UGT1A6: variants seen among roughly 807,000 people sequenced by gnomAD.
The protein encoded by UGT1A6 is UDP glucuronosyltransferase family 1 member A6.
In UGT1A6, 32 loss-of-function variants were observed where a neutral mutation model predicts 44.4. The ratio of observed to expected loss-of-function variants is 0.72; its 90% confidence interval spans 0.54 to 0.97. The LOEUF (loss-of-function observed/expected upper bound fraction) is 0.97. Ranked by LOEUF, UGT1A6 falls within the 50% of genes least tolerant of loss-of-function variation. UGT1A6 has a pLI of 0.00. For synonymous variants in UGT1A6, 238 were observed against 248.5 expected, an observed-to-expected ratio of 0.96 and a Z score of 0.40; for missense variants, 685 against 661.9, an observed-to-expected ratio of 1.03 and a Z score of -0.38.
chr2:233,712,229 A>G (rs939024540), intron 1 of UGT1A6, among the ~76,000 whole-genome samples: 2 of 152,174 alleles, frequency 1.3e-5, no homozygotes, highest in African/African-American at 4.8e-5. Context: ...TGAACCCACC[A>G]TGGGTCTTTG....
chr2:233,695,753 C>T (rs1452748853), intron 1 of UGT1A6, among the ~76,000 whole-genome samples: 1 of 152,168 alleles, frequency 6.6e-6, no homozygotes, highest in Non-Finnish European at 1.5e-5. Flanking sequence ...GACAGGTCTT[C>T]ATCCTTTTTT....
chr2:233,752,891 G>A (rs76026343), intron 1 of UGT1A6, among the ~76,000 whole-genome samples: 3,078 of 152,286 alleles, frequency 0.02, 63 homozygotes, highest in Non-Finnish European at 0.029. Context: ...ACTAGCCAGC[G>A]TTGTTACAGA....
At chr2:233,747,242 T>C (rs985835805) in intron 1 of UGT1A6, 31 of 1,603,322 alleles carry the variant, frequency 1.9e-5, no homozygotes, top group African/African-American at 5.4e-5. Flanking sequence ...GTTCCCCTGC[T>C]GTGGCTGGCC....
At chr2:233,759,153 G>A (rs1244080154) in intron 1 of UGT1A6, among the ~76,000 whole-genome samples, 1 of 152,246 alleles carries the variant, frequency 6.6e-6, no homozygotes, top group Non-Finnish European at 1.5e-5. Flanking sequence ...GAGTTCCACA[G>A]AACACAAGGC....
In UGT1A6 at chr2:233,700,061, GGT is replaced by G. The variant is rs1575467362; in HGVS notation, c.861+6199_861+6200del. On this transcript the variant is annotated intron_variant, in intron 1 of 4. Transcript: ENST00000305139. ...TAAATCAATTCCAAGTGAATCCAGT[GGT>G]GTCTACCCAGCAAGGCCCCCAGCCT... is the stretch of plus-strand genomic sequence containing the variant. Among the ~76,000 whole-genome samples the G allele has an allele frequency of 2.0e-5, 3 of 152,318 alleles. No homozygotes were observed. The East Asian group carries it at 5.8e-4, about 29-fold the overall frequency.
At chr2:233,729,554 C>T in intron 1 of UGT1A6, 1 of 1,614,178 alleles carries the variant, frequency 6.2e-7, no homozygotes, top group Non-Finnish European at 8.5e-7. Flanking sequence ...CACCTGAATG[C>T]TACTTCCTTT....
At chr2:233,692,820 C>G, upstream of UGT1A6, 1 of 1,432,178 alleles carries the variant, frequency 7.0e-7, no homozygotes, top group East Asian at 2.5e-5. Context: ...TTCATATTAA[C>G]CATGTGATTA....
intron 1 of UGT1A6, among the ~76,000 whole-genome samples, chr2:233,739,832 A>C (rs1448736467): frequency 1.3e-5 from 2 of 152,016 alleles, no homozygotes; most frequent in Non-Finnish European, 2.9e-5. Flanking sequence ...GTGAAAAGAC[A>C]TGAGATTTGG....
Position 233,719,292 on chromosome 2 carries a change from G to A in UGT1A6, c.861+25427G>A, listed in dbSNP as rs146073833. 838 of 1,613,610 alleles carry A rather than the reference G, an allele frequency of 5.2e-4. 5 individuals are homozygous for A. The African/African-American group carries it at 8.5e-3, about 16-fold the overall frequency. On this transcript the variant is annotated intron_variant, in intron 1 of 4. Transcript: ENST00000305139. ...TTTAACAGACCCCGTTAACCTCTGTGGGGCGGTGCTGGCTAAGTACCTGTC... is the reference window on the plus strand; with the variant it reads ...TTTAACAGACCCCGTTAACCTCTGTAGGGCGGTGCTGGCTAAGTACCTGTC...
intron 1 of UGT1A6, chr2:233,747,309 G>A: frequency 7.5e-6 from 12 of 1,603,078 alleles, no homozygotes; most frequent in Non-Finnish European, 1.0e-5. Context: ...GGAAGGTGCT[G>A]GTGGTACCCA....
At chr2:233,737,053 G>A (rs2078838819) in intron 1 of UGT1A6, among the ~76,000 whole-genome samples, 1 of 152,218 alleles carries the variant, frequency 6.6e-6, no homozygotes, top group Non-Finnish European at 1.5e-5. Context: ...CATACTAGGA[G>A]AACGAGTGCT....
intron 1 of UGT1A6, chr2:233,760,248 A>ATT (rs606231201): frequency 6.2e-7 from 1 of 1,609,150 alleles, no homozygotes; most frequent in South Asian, 1.1e-5. Context: ...ATATATATAT[A>ATT]AGTAGGAGAG....
At position 233,772,407 on chromosome 2, in the gene UGT1A6, T is replaced by C. The variant is rs770903084; in HGVS notation, c.1447T>C (p.Tyr483His). The C allele has an allele frequency of 7.5e-5, 121 of 1,614,104 alleles. No individual in the cohort carries two copies. Among genetic ancestry groups the C allele is most frequent in the Non-Finnish European group, 9.9e-5 (117 of 1,180,046 alleles). ...CCCCGCAGCCCACGACCTCACCTGG[T>C]ACCAGTACCATTCCTTGGACGTGAT... The part of the protein sequence containing the change: ...LRPAAHDLTW[Y>H]QYHSLDVIGF... Residue 483 changes from tyrosine to histidine, a missense_variant, in exon 5 of 5, where the codon TAC becomes CAC. Transcript: ENST00000305139.
chr2:233,730,068 G>T (rs1197768852), intron 1 of UGT1A6: 3 of 1,610,044 alleles, frequency 1.9e-6, no homozygotes, highest in African/African-American at 1.3e-5. Flanking sequence ...ATTTAAAATT[G>T]CTTCCATATT....
intron 1 of UGT1A6, among the ~76,000 whole-genome samples, chr2:233,722,815 A>G: frequency 6.6e-6 from 1 of 151,158 alleles, no homozygotes; most frequent in East Asian, 1.9e-4. Context: ...TTATTTTTTC[A>G]AGTTATTTTG....
intron 1 of UGT1A6, among the ~76,000 whole-genome samples, chr2:233,695,130 C>CTTTTTTTT (rs71398796): frequency 7.2e-6 from 1 of 138,840 alleles, no homozygotes; most frequent in Admixed American, 7.1e-5. Flanking sequence ...CTTTTCTTTT[C>CTTTTTTTT]TTTTTTTTTT....
chr2:233,769,869 A>T lies in UGT1A6; in HGVS notation c.1301+1430A>T, dbSNP rs988879005. Reference sequence around the variant, plus strand: ...TGAGACCCTGTCTCAAAAAAAAAAAAAAAAATGAAAAGTCCACATAACCTG... The same window carrying T: ...TGAGACCCTGTCTCAAAAAAAAAAATAAAAATGAAAAGTCCACATAACCTG... On this transcript the variant is annotated intron_variant, in intron 4 of 4. Transcript: ENST00000305139. This position sits in a 1 kb window ranked among gnomAD's most constrained non-coding sequence, Gnocchi z 4.4. The T allele has an allele frequency of 3.7e-5, 17 of 465,504 alleles. No individual in the cohort carries two copies. Among genetic ancestry groups the T allele is most frequent in the Non-Finnish European group, 6.1e-5 (17 of 276,814 alleles). The allele number at this position is 465,504 out of a possible 1,614,324, so 28.8% of individuals were successfully genotyped here. A position where few individuals can be genotyped will look rare whatever the true frequency, so the allele number is the denominator to read the frequency against.
At chr2:233,704,490 AT>A (rs1395033136) in intron 1 of UGT1A6, among the ~76,000 whole-genome samples, 8 of 152,084 alleles carry the variant, frequency 5.3e-5, no homozygotes, top group African/African-American at 1.9e-4. Context: ...TTATGATATT[AT>A]TGTTATACGT....
intron 1 of UGT1A6, chr2:233,754,910 C>G: frequency 7.4e-7 from 1 of 1,353,942 alleles, no homozygotes; most frequent in South Asian, 1.1e-5. Flanking sequence ...CCAAAATATT[C>G]TCCAGCGGGT....
Sources: gnomAD v4.1 joint callset for allele counts (sites outside exome capture counted in the v4.1 genomes callset) on GRCh38, gnomAD v4.1.1 for gene constraint, Gnocchi (gnomAD v3.1) non-coding constraint, MANE v1.5 for transcripts, NCBI Gene and HGNC (gene_info 2026-07-23, HGNC 2026-07-21) for gene names.